Variants in FBXO11 observed in about 807,000 individuals in gnomAD.
FBXO11 encodes the protein F-box protein 11, also known as F-box only protein 11.
A neutral mutation model predicts 117.0 loss-of-function variants in FBXO11; 13 were observed. That is an observed-to-expected ratio of 0.11 (90% CI 0.07 to 0.18). The LOEUF (loss-of-function observed/expected upper bound fraction) is 0.18. FBXO11 is among the 10% of genes least tolerant of loss of function. FBXO11 has a pLI of 1.00. For synonymous variants in FBXO11, 490 were observed against 380.5 expected, an observed-to-expected ratio of 1.29 and a Z score of -3.35; for missense variants, 767 against 1,164.4, an observed-to-expected ratio of 0.66 and a Z score of 4.97.
chr2:47,868,213 G>C (rs983082577), intron 1 of FBXO11, among the ~76,000 whole-genome samples: 2 of 151,124 alleles, frequency 1.3e-5, no homozygotes, highest in Non-Finnish European at 2.9e-5. Flanking sequence ...AACCCGGGAG[G>C]CGGAGGTTGC....
intron 1 of FBXO11, among the ~76,000 whole-genome samples, chr2:47,856,709 C>T (rs1674322989): frequency 6.6e-6 from 1 of 152,154 alleles, no homozygotes; most frequent in South Asian, 2.1e-4. Context: ...GTAAGGTGAA[C>T]ATTTACTTTT....
intron 1 of FBXO11, among the ~76,000 whole-genome samples, chr2:47,842,918 C>G (rs1673120898): frequency 6.6e-6 from 1 of 152,132 alleles, no homozygotes. Flanking sequence ...ACAGCTGGAA[C>G]TGCAGATGTG....
At chr2:47,898,352 C>T (rs1558483904) in intron 1 of FBXO11, among the ~76,000 whole-genome samples, 1 of 152,192 alleles carries the variant, frequency 6.6e-6, no homozygotes, top group Non-Finnish European at 1.5e-5. Context: ...AAACTCCAAG[C>T]TACACATATA....
chr2:47,881,034 C>A (rs1458293000), intron 1 of FBXO11, among the ~76,000 whole-genome samples: 1 of 152,100 alleles, frequency 6.6e-6, no homozygotes, highest in African/African-American at 2.4e-5. Flanking sequence ...GTGGGCAGAT[C>A]ACAAAGTCAG....
intron 1 of FBXO11, among the ~76,000 whole-genome samples, chr2:47,898,737 T>G (rs1461622635): frequency 6.6e-6 from 1 of 152,110 alleles, no homozygotes; most frequent in African/African-American, 2.4e-5. Context: ...CCATCTCCAA[T>G]AGGACAGATG....
At chr2:47,873,153 G>C (rs1194968127) in intron 1 of FBXO11, among the ~76,000 whole-genome samples, 1 of 152,302 alleles carries the variant, frequency 6.6e-6, no homozygotes, top group East Asian at 1.9e-4. Flanking sequence ...CTTCTTGAAA[G>C]GTGTAAATCT....
At chr2:47,897,701 C>CAAAAAAAAAA (rs60982405) in intron 1 of FBXO11, among the ~76,000 whole-genome samples, 2 of 103,144 alleles carry the variant, frequency 1.9e-5, no homozygotes. Context: ...TGTCTTAAAC[C>CAAAAAAAAAA]AAAAAAAAAA....
chr2:47,841,935 G>A (rs765406234), intron 1 of FBXO11, among the ~76,000 whole-genome samples: 37 of 147,680 alleles, frequency 2.5e-4, no homozygotes, highest in African/African-American at 9.0e-4. Context: ...CACTGTGCCC[G>A]GCCAAATTAT....
At chr2:47,819,418 C>A (rs1671225889) in intron 14 of FBXO11, among the ~76,000 whole-genome samples, 1 of 152,112 alleles carries the variant, frequency 6.6e-6, no homozygotes. Context: ...GTTTCACCAT[C>A]TTGGCCAGGG....
chr2:47,871,809 TAAAC>T (rs1675645748), intron 1 of FBXO11, among the ~76,000 whole-genome samples: 3 of 152,252 alleles, frequency 2.0e-5, no homozygotes, highest in African/African-American at 4.8e-5. Flanking sequence ...AATTCTGACA[TAAAC>T]AAATTCATTC....
At chr2:47,844,380 A>T (rs1673244352) in intron 1 of FBXO11, among the ~76,000 whole-genome samples, 1 of 152,204 alleles carries the variant, frequency 6.6e-6, no homozygotes, top group South Asian at 2.1e-4. Context: ...TTCAGGCTCT[A>T]GGCCACATGC....
At chr2:47,843,028 C>G (rs1572828970) in intron 1 of FBXO11, among the ~76,000 whole-genome samples, 2 of 152,294 alleles carry the variant, frequency 1.3e-5, no homozygotes, top group South Asian at 4.1e-4. Context: ...CTCAAGTGAT[C>G]CTCCTGCCAT....
At position 47,830,921 on chromosome 2, in the gene FBXO11, C is replaced by T. The variant is rs554593206; in HGVS notation, c.1398+1428G>A. The stretch of plus-strand genomic sequence containing the variant: ...CTCAAGTGATCCTCCTGTCTCAGCC[C>T]CCAAGTAGCTGGGACTACAGGTGTG... On this transcript the variant is annotated intron_variant, in intron 11 of 22. Transcript: ENST00000403359. Among the ~76,000 whole-genome samples the T allele has an allele frequency of 4.3e-4, 65 of 152,176 alleles. No homozygotes were observed. In the East Asian group the frequency reaches 0.01, roughly 24 times the overall value.
intron 1 of FBXO11, among the ~76,000 whole-genome samples, chr2:47,881,906 C>A (rs1020594460): frequency 1.3e-5 from 2 of 152,140 alleles, no homozygotes. Context: ...CACCACCATG[C>A]CCAGCTAATT....
At chr2:47,903,515 A>T (rs1344527605) in intron 1 of FBXO11, among the ~76,000 whole-genome samples, 2 of 152,224 alleles carry the variant, frequency 1.3e-5, no homozygotes, top group Non-Finnish European at 2.9e-5. Flanking sequence ...ATGAAAATAG[A>T]CCTCAGTAGC....
At chr2:47,871,770 T>C (rs1173443138) in intron 1 of FBXO11, among the ~76,000 whole-genome samples, 1 of 152,208 alleles carries the variant, frequency 6.6e-6, no homozygotes, top group Non-Finnish European at 1.5e-5. Context: ...CATACTATCA[T>C]GATGTCCCTT....
At chr2:47,820,650 G>A (rs1671313382) in intron 13 of FBXO11, among the ~76,000 whole-genome samples, 194 bp from the exon 14 acceptor site, 1 of 152,216 alleles carries the variant, frequency 6.6e-6, no homozygotes, top group Non-Finnish European at 1.5e-5. Context: ...TATAGTTGTG[G>A]AGCCGAGCTG....
rs17037043 is a variant in FBXO11, at chr2:47,892,524, T to A, written c.232+12965A>T. Among the ~76,000 whole-genome samples, 583 of 152,334 alleles carry A rather than the reference T, an allele frequency of 3.8e-3. 3 individuals are homozygous for A. Among genetic ancestry groups the A allele is most frequent in the African/African-American group, 0.013 (530 of 41,574 alleles). ...TATATTCAGCTACAAGGTTCTCACATGATGCAGAAATAGAGTACAGGTTTC... is the reference window on the plus strand; with the variant it reads ...TATATTCAGCTACAAGGTTCTCACAAGATGCAGAAATAGAGTACAGGTTTC... On this transcript the variant is annotated intron_variant, in intron 1 of 22. Transcript: ENST00000403359.
At chr2:47,867,504 A>G (rs1406697452) in intron 1 of FBXO11, among the ~76,000 whole-genome samples, 1 of 152,220 alleles carries the variant, frequency 6.6e-6, no homozygotes, top group Non-Finnish European at 1.5e-5. Flanking sequence ...CAGATGGAGG[A>G]GAGCCAAAAA....
Sources: allele counts gnomAD v4.1 joint callset (sites outside exome capture counted in the v4.1 genomes callset), GRCh38; gene constraint gnomAD v4.1.1; transcripts MANE v1.5; gene names NCBI Gene and HGNC (gene_info 2026-07-23, HGNC 2026-07-21).